ADGRB3: variants seen among roughly 807,000 people sequenced by gnomAD.
ADGRB3 encodes brain-specific angiogenesis inhibitor 3.
ADGRB3 carries 37 observed loss-of-function variants against 193.4 expected under a neutral mutation model. That is an observed-to-expected ratio of 0.19 (90% CI 0.15 to 0.25). The LOEUF (loss-of-function observed/expected upper bound fraction) is 0.25, where lower values mean the gene tolerates loss of function less well. Among genes scored for constraint, ADGRB3 ranks in the 10% least tolerant of loss-of-function variants. The pLI is 1.00. For synonymous variants in ADGRB3, 690 were observed against 644.2 expected, an observed-to-expected ratio of 1.07 and a Z score of -1.08; for missense variants, 1,637 against 1,852.9, an observed-to-expected ratio of 0.88 and a Z score of 2.14.
At chr6:69,291,383 G>A (rs905472167) in intron 20 of ADGRB3, among the ~76,000 whole-genome samples, 1 of 152,090 alleles carries the variant, frequency 6.6e-6, no homozygotes, top group Non-Finnish European at 1.5e-5. Context: ...AAAGAGGAGA[G>A]CACTAAGGTG....
chr6:69,067,537 C>A (rs1248372794), intron 16 of ADGRB3, among the ~76,000 whole-genome samples: 1 of 152,180 alleles, frequency 6.6e-6, no homozygotes, highest in South Asian at 2.1e-4. Context: ...AGGTTAATAA[C>A]CTAAGGATTT....
rs183482732 is a variant in ADGRB3, at chr6:69,106,094, G to A, written c.2480+30056G>A. 4.0e-3 allele frequency among the ~76,000 whole-genome samples: 577 copies of A among 143,190 alleles called. 3 individuals carry two copies. The highest frequency in any genetic ancestry group is 5.6e-3 in the South Asian group (24 of 4,300). The allele number at this position is 143,190 out of a possible 152,430, so 93.9% of individuals were successfully genotyped here. Reference sequence around the variant, plus strand: ...GAATTGCTTAAACCCGGGAGGCAGAGGCTGCAATGAGCTGAGATCGTGCCA... The same window carrying A: ...GAATTGCTTAAACCCGGGAGGCAGAAGCTGCAATGAGCTGAGATCGTGCCA... On this transcript the variant is annotated intron_variant, in intron 17 of 31. Coordinates refer to ENST00000370598, the MANE Select transcript of ADGRB3 (RefSeq NM_001704.3).
Position 69,031,171 on chromosome 6 carries a change from T to C in ADGRB3, c.2107+12672T>C, listed in dbSNP as rs1456151465. 4.0e-5 allele frequency among the ~76,000 whole-genome samples: 6 copies of C among 150,758 alleles called. No homozygotes were observed. The East Asian group carries it at 1.2e-3, about 29-fold the overall frequency. The stretch of plus-strand genomic sequence containing the variant: ...ATTCTAGAGTTTCAGCCAGGCTTGG[T>C]GGCTTATGGCTGTAATCCCAGCACT... On this transcript the variant is annotated intron_variant, in intron 13 of 31. Coordinates refer to ENST00000370598, the MANE Select transcript of ADGRB3 (RefSeq NM_001704.3).
At chr6:69,312,152 G>A (rs1768208430) in intron 20 of ADGRB3, among the ~76,000 whole-genome samples, 1 of 151,734 alleles carries the variant, frequency 6.6e-6, no homozygotes, top group African/African-American at 2.4e-5. Flanking sequence ...CTGGGAAAGA[G>A]TGAGCGATGG....
intron 3 of ADGRB3, among the ~76,000 whole-genome samples, chr6:68,660,474 T>C (rs1268504553): frequency 6.6e-6 from 1 of 150,970 alleles, no homozygotes; most frequent in East Asian, 1.9e-4. Context: ...CACAATTACC[T>C]TGTGTAGGCC....
intron 20 of ADGRB3, among the ~76,000 whole-genome samples, chr6:69,252,349 A>G (rs969189632): frequency 2.0e-5 from 3 of 152,164 alleles, no homozygotes; most frequent in African/African-American, 7.2e-5. Context: ...TACTATGAAT[A>G]AAATTGTTTC....
chr6:69,361,065 G>A lies in ADGRB3; in HGVS notation c.3792G>A (p.Glu1264=), dbSNP rs753071629. 7.4e-6 allele frequency: 12 copies of A among 1,612,698 alleles called. No homozygotes were observed. The Admixed American group carries it at 1.5e-4, about 20-fold the overall frequency. ...TGCACATGCCCATGAGTATGAATGA[G>A]CTTAGCAATCCATGTTTGAAAAAAG... ...TGLHMPMSMN[E]LSNPCLKKEN... The change falls in exon 29 of 32, where the codon GAG becomes GAA. Residue 1264 remains glutamate, a synonymous_variant. Coordinates refer to ENST00000370598, the MANE Select transcript of ADGRB3 (RefSeq NM_001704.3).
In ADGRB3 at chr6:69,332,939, G is replaced by A; in HGVS notation, c.3119G>A (p.Gly1040Asp). The change falls in exon 24 of 32, where the codon GGC becomes GAC. Residue 1040 changes from glycine to aspartate, a missense_variant. Around this residue, in one of 7 missense-constraint regions of ADGRB3, gnomAD observed 87 missense variants for 161.0 expected, o/e 0.54. Transcript: ENST00000370598. The part of the protein sequence containing the change: ...AAVVLVNMVI[G>D]ILVFNKLVSR... The stretch of plus-strand genomic sequence containing the variant: ...GTTTGACAGGTCAACATGGTGATTG[G>A]CATTTTGGTATTTAATAAACTTGTT... The A allele has an allele frequency of 6.2e-7, 1 of 1,613,596 alleles. No individual in the cohort carries two copies. Among genetic ancestry groups the A allele is most frequent in the Non-Finnish European group, 8.5e-7 (1 of 1,179,758 alleles).
intron 19 of ADGRB3, among the ~76,000 whole-genome samples, chr6:69,236,957 T>C (rs1421067496): frequency 6.6e-6 from 1 of 151,986 alleles, no homozygotes; most frequent in Non-Finnish European, 1.5e-5. Context: ...TTAGTGGTCA[T>C]CAACTCATTC....
intron 3 of ADGRB3, among the ~76,000 whole-genome samples, chr6:68,709,758 T>C (rs918766884): frequency 5.3e-5 from 8 of 152,204 alleles, no homozygotes; most frequent in African/African-American, 1.9e-4. Flanking sequence ...ATTATTTATG[T>C]CAAACTACGT....
intron 31 of ADGRB3, among the ~76,000 whole-genome samples, chr6:69,387,523 A>G (rs2127244266): frequency 6.6e-6 from 1 of 152,224 alleles, no homozygotes; most frequent in South Asian, 2.1e-4. Context: ...CTAATGCATT[A>G]AACATTTTAT....
chr6:68,702,449 T>C (rs1765256633), intron 3 of ADGRB3, among the ~76,000 whole-genome samples: 1 of 152,204 alleles, frequency 6.6e-6, no homozygotes, highest in South Asian at 2.1e-4. Flanking sequence ...GCAGGATTGA[T>C]AAATTGCTTA....
intron 15 of ADGRB3, among the ~76,000 whole-genome samples, chr6:69,049,814 CA>C (rs1395821953): frequency 2.6e-5 from 4 of 152,126 alleles, no homozygotes; most frequent in East Asian, 3.9e-4. Context: ...ATTACAGTTA[CA>C]TTTTTTTAAA....
rs192124133 is a variant in ADGRB3, at chr6:69,172,837, A to G, written c.2481-60453A>G. On this transcript the variant is annotated intron_variant, in intron 17 of 31. Coordinates refer to ENST00000370598, the MANE Select transcript of ADGRB3 (RefSeq NM_001704.3). ...GGACAACAAGGAGCCGATCACAGGA[A>G]GATTTGATCCAGGCACTCTGGGCTG... Among the ~76,000 whole-genome samples, 390 of 152,008 alleles carry G rather than the reference A, an allele frequency of 2.6e-3. 1 individual carries two copies. The highest frequency in any genetic ancestry group is 9.2e-3 in the African/African-American group (383 of 41,486).
rs144372282 is a variant in ADGRB3 at position 68,654,106 on chromosome 6, T to A, written c.757+14674T>A. On this transcript the variant is annotated intron_variant, in intron 3 of 31. Coordinates refer to ENST00000370598, the MANE Select transcript of ADGRB3 (RefSeq NM_001704.3). ...TTGTAATCACTTAGTAAGCACTGCT[T>A]CATTAATCTTAACAATTTTCTTGTG... Among the ~76,000 whole-genome samples, 139 of 152,192 alleles carry A rather than the reference T, an allele frequency of 9.1e-4. 1 individual carries two copies. Among genetic ancestry groups the A allele is most frequent in the African/African-American group, 3.2e-3 (132 of 41,562 alleles).
intron 20 of ADGRB3, among the ~76,000 whole-genome samples, chr6:69,285,705 T>C (rs1285116211): frequency 6.6e-6 from 1 of 151,834 alleles, no homozygotes; most frequent in Non-Finnish European, 1.5e-5. Context: ...AATAGTACTA[T>C]CATTGTGGCA....
At position 68,728,390 on chromosome 6, in the gene ADGRB3, C is replaced by T. The variant is rs548988164; in HGVS notation, c.757+88958C>T. Among the ~76,000 whole-genome samples, 4 of 150,052 alleles carry T rather than the reference C, an allele frequency of 2.7e-5. No individual in the cohort carries two copies. The South Asian group carries it at 8.3e-4, about 31-fold the overall frequency. ...TGAAAACCACAAAACTCTTATCTCC[C>T]AGCCTAACAAAAAAAAAAGAAAAAG... On this transcript the variant is annotated intron_variant, in intron 3 of 31. Transcript: ENST00000370598.
chr6:69,130,845 T>C (rs1170923790), intron 17 of ADGRB3, among the ~76,000 whole-genome samples: 3 of 152,112 alleles, frequency 2.0e-5, no homozygotes, highest in African/African-American at 4.8e-5. Flanking sequence ...GTAAATGATA[T>C]TTGAAAGATA....
chr6:68,794,700 A>G (rs1413614697), intron 3 of ADGRB3, among the ~76,000 whole-genome samples: 1 of 152,136 alleles, frequency 6.6e-6, no homozygotes, highest in East Asian at 1.9e-4. Context: ...AAAGGAAATT[A>G]GAGTTACAGT....
Sources: gnomAD v4.1 joint callset for allele counts (sites outside exome capture counted in the v4.1 genomes callset) on GRCh38, gnomAD v4.1.1 for gene constraint, gnomAD v4.1.1 regional missense constraint, MANE v1.5 for transcripts, NCBI Gene and HGNC (gene_info 2026-07-23, HGNC 2026-07-21) for gene names.